The following CES2 variants were observed in gnomAD, a reference collection of about 807,000 sequenced individuals.
CES2 encodes the protein carboxylesterase 2, also known as cocaine esterase.
Under a neutral mutation model 52.1 loss-of-function variants are expected in CES2, and 42 were observed. The ratio of observed to expected loss-of-function variants is 0.81; its 90% CI spans 0.63 to 1.04. CES2 has a LOEUF of 1.04. CES2 is among the 50% of genes least tolerant of loss of function. CES2 has a pLI of 0.00. For synonymous variants in CES2, 277 were observed against 289.6 expected (o/e 0.96, Z 0.44); for missense variants, 656 against 724.3 (o/e 0.91, Z 1.08).
Position 66,938,251 on chromosome 16 carries a change from C to T in CES2, c.281+10C>T. 6.2e-7 allele frequency: 1 copy of T among 1,604,662 alleles called. No homozygotes were observed. The highest frequency in any genetic ancestry group is 8.5e-7 in the Non-Finnish European group (1 of 1,171,496). On this transcript the variant is annotated intron_variant, in intron 2 of 11. Coordinates refer to ENST00000317091, the MANE Select transcript of CES2 (RefSeq NM_001365405.1). ...CCACCCATCCGGCCATGTAAGCTCT[C>T]CAAGGGGTCCAGGGAACTCCAGGCC...
rs578208934 is a variant in CES2, at chr16:66,939,426, A to G, written c.423+68A>G. On this transcript the variant is annotated intron_variant, in intron 3 of 11. Coordinates refer to ENST00000317091, the MANE Select transcript of CES2 (RefSeq NM_001365405.1). ...CTTCTGCAAGAAGCTGAAAAGGACAATATTAGCTCAGGCCCTGCTTCAGAG... is the reference window on the plus strand; with the variant it reads ...CTTCTGCAAGAAGCTGAAAAGGACAGTATTAGCTCAGGCCCTGCTTCAGAG... The G allele has an allele frequency of 9.8e-6, 15 of 1,523,312 alleles. No individual in the cohort carries two copies. In the African/African-American group the frequency reaches 1.1e-4, roughly 11 times the overall value. The allele number at this position is 1,523,312 out of a possible 1,614,324, so 94.4% of individuals were successfully genotyped here. A position where few individuals can be genotyped will look rare whatever the true frequency, so the allele number is the denominator to read the frequency against.
upstream of CES2, chr16:66,935,487 G>T: frequency 6.2e-7 from 1 of 1,613,632 alleles, no homozygotes; most frequent in Non-Finnish European, 8.5e-7. Context: ...ACCTTTCCCG[G>T]CCCAAGCCAG....
intron 6 of CES2, 81 bp from the exon 7 acceptor site, chr16:66,941,425 G>A (rs1597009101): frequency 6.4e-7 from 1 of 1,562,768 alleles, no homozygotes; most frequent in Non-Finnish European, 8.7e-7. Context: ...GGATAAACTG[G>A]GAAGGAGTGG....
intron 1 of CES2, 35 bp downstream of exon 1, chr16:66,935,746 C>A (rs375428335): frequency 6.3e-7 from 1 of 1,598,668 alleles, no homozygotes; most frequent in Non-Finnish European, 8.5e-7. Context: ...AGGGACCGGG[C>A]TCAGATCTGC....
intron 7 of CES2, 49 bp downstream of exon 7, chr16:66,941,695 TG>T: frequency 3.7e-6 from 6 of 1,613,102 alleles, no homozygotes; most frequent in Non-Finnish European, 5.1e-6. Context: ...CATCTGGTAG[TG>T]GGGGGTGTTC....
rs1342713971 is a variant in CES2, at chr16:66,944,404, CAAAGA to C, written c.*383_*387del. 1.3e-5 allele frequency: 2 copies of C among 157,908 alleles called. No homozygotes were observed. Among genetic ancestry groups the C allele is most frequent in the African/African-American group, 4.9e-5 (2 of 40,864 alleles). The allele number at this position is 157,908 out of a possible 1,614,324, so 9.8% of individuals were successfully genotyped here. On this transcript the variant is annotated 3_prime_UTR_variant, in exon 12 of 12. Transcript: ENST00000317091. ...AGGAGTAAAAAAGATTTTTAAAAAGCAAAGAAAACAAAATATAAGGGAAAAATATG... is the reference window on the plus strand; with the variant it reads ...AGGAGTAAAAAAGATTTTTAAAAAGCAAACAAAATATAAGGGAAAAATATG...
At chr16:66,939,914 A>G (rs936174194) in intron 3 of CES2, among the ~76,000 whole-genome samples, 2 of 152,210 alleles carry the variant, frequency 1.3e-5, no homozygotes, top group Non-Finnish European at 2.9e-5. Flanking sequence ...TATGTGGTTC[A>G]GGCTAAGGAC....
chr16:66,940,866 A>G (rs890190434), intron 5 of CES2, among the ~76,000 whole-genome samples, 171 bp downstream of exon 5: 3 of 152,330 alleles, frequency 2.0e-5, no homozygotes, highest in African/African-American at 7.2e-5. Context: ...TCCTTCTGCC[A>G]TTGCAGAGGC....
chr16:66,939,072 TG>T, intron 2 of CES2, 144 bp from the exon 3 acceptor site: 1 of 675,254 alleles, frequency 1.5e-6, no homozygotes, highest in Non-Finnish European at 2.5e-6. Flanking sequence ...GCCTGTAACT[TG>T]GTGGGAAGGG....
At chr16:66,941,942 T>C (rs1963376614) in intron 8 of CES2, 94 bp downstream of exon 8, 14 of 1,572,792 alleles carry the variant, frequency 8.9e-6, no homozygotes, top group Non-Finnish European at 1.1e-5. Context: ...TCCTATGTAG[T>C]GACCCCCATG....
At position 66,941,491 on chromosome 16, in the gene CES2, T is replaced by C. The variant is rs1299252114; in HGVS notation, c.916-15T>C. 1 of 1,613,528 alleles carries C rather than the reference T, an allele frequency of 6.2e-7. No homozygotes were observed. The highest frequency in any genetic ancestry group is 1.7e-5 in the Admixed American group (1 of 59,964). On this transcript the variant is annotated splice_polypyrimidine_tract_variant and intron_variant, in intron 6 of 11. Transcript: ENST00000317091. ...GGGACCTGACCTTGTTCCCTGACCT[T>C]ACATTTCCCCTCAGCCTTTCAAGAT...
chr16:66,942,721 C>T lies in CES2; in HGVS notation c.1356C>T (p.His452=). 1 of 1,614,242 alleles carries T rather than the reference C, an allele frequency of 6.2e-7. No homozygotes were observed. Among genetic ancestry groups the T allele is most frequent in the African/African-American group, 1.3e-5 (1 of 75,064 alleles). ...GGCTCAAGAACATCAGGCCACCGCA[C>T]ATGAAGGCAGACCATGGTGATGAGC... is the stretch of plus-strand genomic sequence containing the variant. ...PSWLKNIRPP[H]MKADHGDELP... Residue 452 remains histidine (H), a synonymous_variant, in exon 10 of 12, where the codon CAC becomes CAT. Transcript: ENST00000317091.
chr16:66,940,175 G>C (rs765576852), intron 3 of CES2, 47 bp from the exon 4 acceptor site: 12 of 1,605,294 alleles, frequency 7.5e-6, no homozygotes, highest in Non-Finnish European at 9.4e-6. Flanking sequence ...CCCTGGTGGG[G>C]TTTGGGCTGG....
In CES2 at chr16:66,943,519, G is replaced by A; in HGVS notation, c.1493+148G>A. ...CCCAGCTCCGGGACCCACTCAGACA[G>A]GGTGGGGGTGCGTGGGGCAGTGGAC... On this transcript the variant is annotated intron_variant, in intron 11 of 11. Transcript: ENST00000317091. The surrounding 1 kb of genome is among the most constrained non-coding windows in gnomAD (Gnocchi z 4.2). The A allele has an allele frequency of 1.2e-6, 1 of 805,408 alleles. No individual in the cohort carries two copies. The highest frequency in any genetic ancestry group is 2.0e-6 in the Non-Finnish European group (1 of 499,546). 49.9% of individuals were successfully genotyped at this position (805,408 alleles called of 1,614,324 possible).
chr16:66,942,317 C>A, intron 9 of CES2, 68 bp downstream of exon 9: 4 of 1,504,624 alleles, frequency 2.7e-6, no homozygotes, highest in Non-Finnish European at 3.6e-6. Flanking sequence ...CAGGTGAGAC[C>A]TGCTGCTGTC....
chr16:66,937,738 C>T (rs535892268), intron 1 of CES2, among the ~76,000 whole-genome samples: 1 of 152,282 alleles, frequency 6.6e-6, no homozygotes, highest in Non-Finnish European at 1.5e-5. Flanking sequence ...TGTCACATGA[C>T]CTGGCACACA....
upstream of CES2, chr16:66,935,481 T>G (rs750043384): frequency 1.2e-6 from 2 of 1,613,352 alleles, no homozygotes; most frequent in Non-Finnish European, 1.7e-6. Context: ...ACACCCACCT[T>G]TCCCGGCCCA....
Position 66,943,723 on chromosome 16 carries a change from C to T in CES2, c.1494-116C>T. ...TCTGGAAGCCTCCCCACTCATTCCC[C>T]AAGCCCACCTGGCCTGCTTGGCTGC... On this transcript the variant is annotated intron_variant, in intron 11 of 11. Coordinates refer to ENST00000317091, the MANE Select transcript of CES2 (RefSeq NM_001365405.1). The surrounding 1 kb of genome is among the most constrained non-coding windows in gnomAD (Gnocchi z 4.2). 1 of 812,514 alleles carries T rather than the reference C, an allele frequency of 1.2e-6. No individual in the cohort carries two copies. The highest frequency in any genetic ancestry group is 1.9e-6 in the Non-Finnish European group (1 of 513,020). The allele number at this position is 812,514 out of a possible 1,614,324, so 50.3% of individuals were successfully genotyped here.
rs1455314215 is a variant in CES2 at position 66,941,214 on chromosome 16, A to G, written c.907A>G (p.Ile303Val). The change falls in exon 6 of 12, where the codon ATT (isoleucine) becomes GTT (valine). Residue 303 changes from isoleucine (I) to valine (V), a missense_variant. Coordinates refer to ENST00000317091, the MANE Select transcript of CES2 (RefSeq NM_001365405.1). ...CAAGAGTAAAGAGGAGATTCTTGCA[A>G]TTAACAAGGTTGGTCTAAATGGATG... The part of the protein sequence containing the change: ...RGKSKEEILA[I>V]NKPFKMIPGV... 5.0e-6 allele frequency: 8 copies of G among 1,613,982 alleles called. No homozygotes were observed. The highest frequency in any genetic ancestry group is 6.8e-6 in the Non-Finnish European group (8 of 1,179,984).
Sources: gnomAD v4.1 joint callset for allele counts (sites outside exome capture counted in the v4.1 genomes callset) on GRCh38, gnomAD v4.1.1 for gene constraint, Gnocchi (gnomAD v3.1) non-coding constraint, MANE v1.5 for transcripts, NCBI Gene and HGNC (gene_info 2026-07-23, HGNC 2026-07-21) for gene names.